SLC39A14: variants seen among roughly 807,000 people sequenced by gnomAD.
The protein encoded by SLC39A14 is solute carrier family 39 member 14.
SLC39A14 carries 19 observed loss-of-function variants against 45.5 expected under a neutral mutation model. The ratio of observed to expected loss-of-function variants is 0.42; its 90% CI spans 0.29 to 0.61. The LOEUF is 0.61. Ranked by LOEUF, SLC39A14 falls within the 20% of genes least tolerant of loss-of-function variation. The pLI is 0.22. For synonymous variants in SLC39A14, 264 were observed against 251.3 expected, an observed-to-expected ratio of 1.05 and a Z score of -0.48; for missense variants, 447 against 616.5, an observed-to-expected ratio of 0.73 and a Z score of 2.91.
At chr8:22,396,112 A>G (rs1834367429) in intron 1 of SLC39A14, among the ~76,000 whole-genome samples, 1 of 151,976 alleles carries the variant, frequency 6.6e-6, no homozygotes, top group African/African-American at 2.4e-5. Flanking sequence ...TCCGCCTGTA[A>G]TCCCAGCACT....
At chr8:22,434,035 C>T (rs1275196308) in exon 9 of SLC39A14, 1 of 345,736 alleles carries the variant, frequency 2.9e-6, no homozygotes, top group African/African-American at 2.2e-5. Flanking sequence ...AAAATGGGGA[C>T]AATACTGTAT....
intron 1 of SLC39A14, among the ~76,000 whole-genome samples, chr8:22,400,060 G>A (rs1586702638): frequency 6.6e-6 from 1 of 152,064 alleles, no homozygotes; most frequent in South Asian, 2.1e-4. Flanking sequence ...ATGCTTGTTG[G>A]GGCTGTTAGA....
intron 1 of SLC39A14, among the ~76,000 whole-genome samples, chr8:22,382,355 A>G (rs12545568): frequency 0.26 from 39,396 of 152,050 alleles, 5,881 homozygotes; most frequent in African/African-American, 0.41. Context: ...GCACTCATAC[A>G]CAGGTAGTGG....
intron 1 of SLC39A14, among the ~76,000 whole-genome samples, chr8:22,375,091 C>A (rs925453601): frequency 1.9e-4 from 29 of 152,154 alleles, no homozygotes; most frequent in African/African-American, 6.8e-4. Flanking sequence ...CGTCCATGTC[C>A]TCTGTACCAG....
chr8:22,426,778 G>C (rs112851534), downstream of SLC39A14, among the ~76,000 whole-genome samples: 1 of 152,118 alleles, frequency 6.6e-6, no homozygotes, highest in Non-Finnish European at 1.5e-5. Context: ...CCGCCTCCCA[G>C]GTTCAAGCAA....
chr8:22,384,445 TAA>T (rs1028293844), intron 1 of SLC39A14, among the ~76,000 whole-genome samples: 2 of 138,290 alleles, frequency 1.4e-5, no homozygotes. Context: ...CTTTATGTTT[TAA>T]AAAAAAAAAA....
At chr8:22,410,531 AG>A (rs1835511173) in intron 3 of SLC39A14, among the ~76,000 whole-genome samples, 1 of 152,212 alleles carries the variant, frequency 6.6e-6, no homozygotes, top group Non-Finnish European at 1.5e-5. Flanking sequence ...ATGAGATGGA[AG>A]GAAAAGAGGT....
chr8:22,403,189 G>A (rs559050928), intron 1 of SLC39A14, among the ~76,000 whole-genome samples: 1 of 152,292 alleles, frequency 6.6e-6, no homozygotes, highest in Non-Finnish European at 1.5e-5. Flanking sequence ...TGTTAGCCAG[G>A]ATGGTCTCGA....
chr8:22,419,613 T>G lies in SLC39A14; in HGVS notation c.1394T>G (p.Phe465Cys), dbSNP rs1836108154. The change falls in exon 9 of 9, where the codon TTT becomes TGT. Residue 465 changes from phenylalanine to cysteine, a missense_variant. Phe to Cys is a radical substitution (Grantham distance 205). Transcript: ENST00000381237. Reference protein sequence around the residue: ...DERKGSILIPFIIQNLGLLTG... With the variant: ...DERKGSILIPCIIQNLGLLTG... ...AGGAAGGGCAGCATCTTGATTCCAT[T>G]TATCATCCAGAACCTGGGCCTCCTG... 1.9e-6 allele frequency: 3 copies of G among 1,614,200 alleles called. No homozygotes were observed. The highest frequency in any genetic ancestry group is 2.5e-6 in the Non-Finnish European group (3 of 1,180,032).
At chr8:22,388,546 T>C (rs1833904291) in intron 1 of SLC39A14, among the ~76,000 whole-genome samples, 1 of 76,396 alleles carries the variant, frequency 1.3e-5, no homozygotes, top group South Asian at 4.1e-4. Context: ...GGTTGTGCTT[T>C]GGGTGGGGAG....
rs1836163624 is a variant in SLC39A14 at position 22,420,453 on chromosome 8, T to G, written c.*755T>G. The G allele has an allele frequency of 4.1e-6, 4 of 985,478 alleles. No individual in the cohort carries two copies. Among genetic ancestry groups the G allele is most frequent in the Non-Finnish European group, 4.8e-6 (4 of 829,960 alleles). 61.0% of individuals were successfully genotyped at this position (985,478 alleles called of 1,614,324 possible). On this transcript the variant is annotated 3_prime_UTR_variant, in exon 9 of 9. Transcript: ENST00000381237. ...TGGACCTCCTCTTTCAGGTTAACGC[T>G]GACAGAATGGAGGCTCAGGCTGTCT... is the stretch of plus-strand genomic sequence containing the variant.
At chr8:22,411,846 C>G in intron 3 of SLC39A14, 191 bp from the exon 4 acceptor site, 2 of 565,384 alleles carry the variant, frequency 3.5e-6, no homozygotes, top group Non-Finnish European at 6.3e-6. Context: ...AACAAATTTT[C>G]TATTTCTCTC....
Position 22,422,608 on chromosome 8 carries a change from A to C in SLC39A14, c.*2910A>C. 1.0e-6 allele frequency: 1 copy of C among 983,758 alleles called. No homozygotes were observed. Among genetic ancestry groups the C allele is most frequent in the Non-Finnish European group, 1.2e-6 (1 of 828,112 alleles). The allele number at this position is 983,758 out of a possible 1,614,324, so 60.9% of individuals were successfully genotyped here. A position where few individuals can be genotyped will look rare whatever the true frequency, so the allele number is the denominator to read the frequency against. On this transcript the variant is annotated 3_prime_UTR_variant, in exon 9 of 9. Coordinates refer to ENST00000381237, the MANE Select transcript of SLC39A14 (RefSeq NM_001128431.4). Reference sequence around the variant, plus strand: ...GGTGTATGAGAAGAAATTAGAAAAGAAAATTAACTTATGTGGACTGTAAAT... The same window carrying C: ...GGTGTATGAGAAGAAATTAGAAAAGCAAATTAACTTATGTGGACTGTAAAT...
intron 2 of SLC39A14, among the ~76,000 whole-genome samples, chr8:22,406,738 T>C (rs1835238425): frequency 6.6e-6 from 1 of 152,058 alleles, no homozygotes; most frequent in South Asian, 2.1e-4. Flanking sequence ...GTGGCTTGGA[T>C]GCGAACACCT....
intron 1 of SLC39A14, among the ~76,000 whole-genome samples, chr8:22,399,183 T>C (rs1432060392): frequency 1.3e-5 from 2 of 152,160 alleles, no homozygotes; most frequent in Admixed American, 6.5e-5. Context: ...ACACATGGAA[T>C]GGAACCTGGC....
chr8:22,381,516 C>T (rs1007823541), intron 1 of SLC39A14, among the ~76,000 whole-genome samples: 13 of 152,300 alleles, frequency 8.5e-5, no homozygotes, highest in Middle Eastern at 3.4e-3. Flanking sequence ...ATGATCCGCC[C>T]GCCTCGGCCT....
Position 22,422,048 on chromosome 8 carries a change from A to G in SLC39A14, c.*2350A>G, listed in dbSNP as rs1836257611. Reference sequence around the variant, plus strand: ...CTGATTGTGGCAACAGCTTTGCCTCATGAGTCAAAAATTGGCAATTTCTTT... The same window carrying G: ...CTGATTGTGGCAACAGCTTTGCCTCGTGAGTCAAAAATTGGCAATTTCTTT... On this transcript the variant is annotated 3_prime_UTR_variant, in exon 9 of 9. Transcript: ENST00000381237. The G allele has an allele frequency of 1.8e-5, 18 of 985,352 alleles. No individual in the cohort carries two copies. In the South Asian group the frequency reaches 8.0e-4, roughly 44 times the overall value. The allele number at this position is 985,352 out of a possible 1,614,324, so 61.0% of individuals were successfully genotyped here.
At chr8:22,395,601 T>C (rs535091609) in intron 1 of SLC39A14, among the ~76,000 whole-genome samples, 3 of 152,366 alleles carry the variant, frequency 2.0e-5, no homozygotes, top group South Asian at 2.1e-4. Context: ...TTTGTCATAA[T>C]GTATTGGTTC....
At chr8:22,381,051 A>G (rs1349406994) in intron 1 of SLC39A14, among the ~76,000 whole-genome samples, 2 of 151,092 alleles carry the variant, frequency 1.3e-5, no homozygotes, top group African/African-American at 4.9e-5. Flanking sequence ...TTGGCTCACC[A>G]CAACTTCCGT....
Sources: allele counts gnomAD v4.1 joint callset (sites outside exome capture counted in the v4.1 genomes callset), GRCh38; gene constraint gnomAD v4.1.1; transcripts MANE v1.5; gene names NCBI Gene and HGNC (gene_info 2026-07-23, HGNC 2026-07-21).